Variants in SLC4A10 observed in about 807,000 individuals in gnomAD.
The protein encoded by SLC4A10 is solute carrier family 4 member 10.
Under a neutral mutation model 137.7 loss-of-function variants are expected in SLC4A10, and 42 were observed. That is an observed-to-expected ratio of 0.30 (90% CI 0.24 to 0.39). The LOEUF is 0.39. SLC4A10 is among the 10% of genes least tolerant of loss of function. The pLI is 1.00. For synonymous variants in SLC4A10, 474 were observed against 464.1 expected (o/e 1.02, Z -0.27); for missense variants, 925 against 1,355.0 (o/e 0.68, Z 4.98).
At chr2:161,808,814 C>T (rs1575067723) in intron 3 of SLC4A10, among the ~76,000 whole-genome samples, 6 of 152,022 alleles carry the variant, frequency 3.9e-5, no homozygotes, top group Middle Eastern at 3.4e-3. Flanking sequence ...ATCCACTTTA[C>T]CATAAGGAAA....
At chr2:161,728,147 T>C (rs2046421929) in intron 1 of SLC4A10, among the ~76,000 whole-genome samples, 1 of 152,170 alleles carries the variant, frequency 6.6e-6, no homozygotes, top group African/African-American at 2.4e-5. Flanking sequence ...CATAAATCTG[T>C]CAACTTAGAT....
chr2:161,767,780 T>C (rs955254888), intron 1 of SLC4A10, among the ~76,000 whole-genome samples: 4 of 152,028 alleles, frequency 2.6e-5, no homozygotes, highest in Admixed American at 6.6e-5. Context: ...AACTTCTTCA[T>C]TTACTTGCTC....
intron 1 of SLC4A10, among the ~76,000 whole-genome samples, chr2:161,757,978 C>T (rs949559288): frequency 4.0e-5 from 6 of 151,886 alleles, no homozygotes; most frequent in Admixed American, 6.6e-5. Context: ...AAGAATCCTA[C>T]GTATATTTTT....
chr2:161,725,769 A>G (rs1574593065), intron 1 of SLC4A10, among the ~76,000 whole-genome samples: 1 of 152,352 alleles, frequency 6.6e-6, no homozygotes, highest in South Asian at 2.1e-4. Flanking sequence ...GGATACTGCC[A>G]TCCTTTTGCC....
chr2:161,656,509 T>C (rs913249856), intron 1 of SLC4A10, among the ~76,000 whole-genome samples: 1 of 152,114 alleles, frequency 6.6e-6, no homozygotes, highest in Non-Finnish European at 1.5e-5. Context: ...AATGAGGAGG[T>C]GTAGAATGTA....
intron 15 of SLC4A10, among the ~76,000 whole-genome samples, chr2:161,915,108 G>A (rs559556793): frequency 1.3e-5 from 2 of 152,230 alleles, no homozygotes; most frequent in South Asian, 2.1e-4. Flanking sequence ...GACTCAGCCA[G>A]TAGAGAGGAG....
intron 1 of SLC4A10, among the ~76,000 whole-genome samples, chr2:161,741,402 C>A (rs977753875): frequency 6.6e-6 from 1 of 151,876 alleles, no homozygotes; most frequent in African/African-American, 2.4e-5. Flanking sequence ...TAACTTTAGT[C>A]ATACTCTACA....
chr2:161,810,153 G>A (rs1464562720), intron 3 of SLC4A10, among the ~76,000 whole-genome samples: 1 of 151,786 alleles, frequency 6.6e-6, no homozygotes, highest in Admixed American at 6.6e-5. Flanking sequence ...TTGAGTTTTT[G>A]ACTTGGCTCT....
Position 161,964,197 on chromosome 2 carries a change from A to G in SLC4A10, c.2925A>G (p.Leu975=). 1 of 1,613,336 alleles carries G rather than the reference A, an allele frequency of 6.2e-7. No homozygotes were observed. The highest frequency in any genetic ancestry group is 8.5e-7 in the Non-Finnish European group (1 of 1,179,530). The change falls in exon 22 of 27, where the codon CTA becomes CTG. Residue 975 remains leucine (L), a synonymous_variant. Coordinates refer to ENST00000446997, the MANE Select transcript of SLC4A10 (RefSeq NM_001178015.2). ...PAKHQPDFIY[L]RHVPLRKVHL... is the part of the protein sequence containing the mutation. ...AACATCAACCAGATTTTATATACCTAAGGCACGTACCGCTTCGAAAAGTGC... is the reference window on the plus strand; with the variant it reads ...AACATCAACCAGATTTTATATACCTGAGGCACGTACCGCTTCGAAAAGTGC...
chr2:161,885,825 G>A lies in SLC4A10; in HGVS notation c.1194+3381G>A, dbSNP rs1030695410. ...ATTCATTTAAAAATAATAATAGAAC[G>A]GGTTCAGTGGCTCACACCTGTAATC... On this transcript the variant is annotated intron_variant, in intron 10 of 26. Transcript: ENST00000446997. Among the ~76,000 whole-genome samples, 7 of 151,960 alleles carry A rather than the reference G, an allele frequency of 4.6e-5. No homozygotes were observed. In the East Asian group the frequency reaches 7.7e-4, roughly 17 times the overall value.
At chr2:161,827,389 T>C (rs537731889) in intron 3 of SLC4A10, among the ~76,000 whole-genome samples, 33 of 152,326 alleles carry the variant, frequency 2.2e-4, no homozygotes, top group Non-Finnish European at 3.8e-4. Context: ...AAAACTTATC[T>C]TTGGAGCACC....
intron 1 of SLC4A10, among the ~76,000 whole-genome samples, chr2:161,698,078 G>T (rs2042731495): frequency 6.6e-6 from 1 of 152,168 alleles, no homozygotes; most frequent in African/African-American, 2.4e-5. Context: ...AATTGTGAAT[G>T]GGAGTTCACT....
intron 1 of SLC4A10, among the ~76,000 whole-genome samples, chr2:161,765,853 C>T (rs934280062): frequency 2.3e-4 from 35 of 152,158 alleles, no homozygotes; most frequent in African/African-American, 8.4e-4. Context: ...AAGGCTGGCA[C>T]CTGGTGCTGT....
intron 1 of SLC4A10, among the ~76,000 whole-genome samples, chr2:161,682,420 A>G (rs2040959098): frequency 6.6e-6 from 1 of 152,114 alleles, no homozygotes; most frequent in Non-Finnish European, 1.5e-5. Context: ...GGTAAAGGGA[A>G]GTTAACTTTT....
chr2:161,977,752 T>C lies in SLC4A10; in HGVS notation c.*18T>C, dbSNP rs774798035. 6.3e-7 allele frequency: 1 copy of C among 1,595,312 alleles called. No homozygotes were observed. Among genetic ancestry groups the C allele is most frequent in the South Asian group, 1.2e-5 (1 of 86,580 alleles). Reference sequence around the variant, plus strand: ...CTTCCTAATCACTCTAGAAGCTGATTCCCCAAAGGTAAGACCCTCTCCCTC... The same window carrying C: ...CTTCCTAATCACTCTAGAAGCTGATCCCCCAAAGGTAAGACCCTCTCCCTC... On this transcript the variant is annotated 3_prime_UTR_variant, in exon 26 of 27. Coordinates refer to ENST00000446997, the MANE Select transcript of SLC4A10 (RefSeq NM_001178015.2).
chr2:161,759,429 C>A (rs193171903), intron 1 of SLC4A10, among the ~76,000 whole-genome samples: 84 of 152,028 alleles, frequency 5.5e-4, no homozygotes, highest in Non-Finnish European at 9.6e-4. Context: ...GTCCCCAAAA[C>A]TTATTCATCT....
At chr2:161,753,277 G>T (rs1379954565) in intron 1 of SLC4A10, among the ~76,000 whole-genome samples, 1 of 152,122 alleles carries the variant, frequency 6.6e-6, no homozygotes, top group African/African-American at 2.4e-5. Flanking sequence ...AACAATTGGA[G>T]CTCCCCAATT....
chr2:161,709,822 A>G (rs1039107950), intron 1 of SLC4A10: 2 of 151,658 alleles, frequency 1.3e-5, no homozygotes, highest in Non-Finnish European at 3.0e-5. Flanking sequence ...TCAGATTTTG[A>G]AGGAAATATA....
intron 5 of SLC4A10, among the ~76,000 whole-genome samples, chr2:161,859,905 T>C (rs773418215): frequency 1.1e-4 from 16 of 152,180 alleles, no homozygotes; most frequent in Non-Finnish European, 1.8e-4. Context: ...TTTTCTCTTA[T>C]CACCCAGATC....
Sources: gnomAD v4.1 joint callset for allele counts (sites outside exome capture counted in the v4.1 genomes callset) on GRCh38, gnomAD v4.1.1 for gene constraint, MANE v1.5 for transcripts, NCBI Gene and HGNC (gene_info 2026-07-23, HGNC 2026-07-21) for gene names.